Variants in PACRG observed in about 807,000 individuals in gnomAD.
The protein encoded by PACRG is parkin coregulated gene protein.
In PACRG, 29 loss-of-function variants were observed where a neutral mutation model predicts 29.7. The observed-to-expected ratio is 0.98, with a 90% CI of 0.73 to 1.33. The LOEUF is 1.33. PACRG is among the 40% of genes most tolerant of loss of function. The pLI, the probability that PACRG is intolerant of heterozygous loss-of-function variation, is 0.00. For synonymous variants in PACRG, 116 were observed against 118.7 expected, an observed-to-expected ratio of 0.98 and a Z score of 0.15; for missense variants, 279 against 316.2, an observed-to-expected ratio of 0.88 and a Z score of 0.89.
At chr6:163,310,740 A>G (rs1356888822) in intron 4 of PACRG, 1 of 152,248 alleles carries the variant, frequency 6.6e-6, no homozygotes, top group African/African-American at 2.4e-5. Context: ...GAAATGGAGA[A>G]TACATCATCA....
intron 2 of PACRG, among the ~76,000 whole-genome samples, chr6:163,053,372 T>G (rs1184417335): frequency 3.5e-4 from 53 of 152,152 alleles, no homozygotes; most frequent in Admixed American, 3.5e-3. Flanking sequence ...TCTCAGTATC[T>G]TTTTTTAAAT....
chr6:163,136,022 G>A (rs558827541), intron 4 of PACRG, among the ~76,000 whole-genome samples: 57 of 152,204 alleles, frequency 3.7e-4, no homozygotes, highest in African/African-American at 1.3e-3. Flanking sequence ...GAATACTACT[G>A]TTTGGTCATA....
intron 4 of PACRG, among the ~76,000 whole-genome samples, chr6:163,234,559 A>C (rs1048546405): frequency 6.6e-6 from 1 of 152,180 alleles, no homozygotes; most frequent in Non-Finnish European, 1.5e-5. Flanking sequence ...AAAATTATCC[A>C]GCCTCGGCAT....
chr6:163,286,862 G>T (rs1032572120), intron 4 of PACRG, among the ~76,000 whole-genome samples: 1 of 152,178 alleles, frequency 6.6e-6, no homozygotes, highest in Non-Finnish European at 1.5e-5. Flanking sequence ...ATTTATGTGT[G>T]TGTTTATGTG....
upstream of PACRG, chr6:162,727,778 C>T: frequency 8.7e-7 from 1 of 1,155,976 alleles, no homozygotes; most frequent in South Asian, 1.3e-5. Context: ...CAGGCCTCCC[C>T]GCCCCCGCGC....
rs190685070 is a variant in PACRG, at chr6:163,088,776, T to G, written c.464-483T>G. On this transcript the variant is annotated intron_variant, in intron 3 of 4. Transcript: ENST00000366888. ...TCACTTCTACCAAGAATATTCTCGG[T>G]GTTTGTAACCAGCCTATAGATTTGA... 3.7e-4 allele frequency among the ~76,000 whole-genome samples: 56 copies of G among 152,336 alleles called. 1 individual carries two copies. The highest frequency in any genetic ancestry group is 1.3e-3 in the African/African-American group (53 of 41,564).
At chr6:163,109,872 A>G (rs1277144431) in intron 4 of PACRG, among the ~76,000 whole-genome samples, 2 of 152,194 alleles carry the variant, frequency 1.3e-5, no homozygotes, top group Non-Finnish European at 2.9e-5. Flanking sequence ...GGGACTTGAT[A>G]TGCAAACTCA....
chr6:163,312,915 G>C (rs1216563960), intron 4 of PACRG: 1 of 281,446 alleles, frequency 3.6e-6, no homozygotes, highest in Non-Finnish European at 7.0e-6. Context: ...ACCACACCTA[G>C]CTAATTTTTT....
At chr6:163,261,696 A>G (rs1347294532) in intron 4 of PACRG, among the ~76,000 whole-genome samples, 4 of 152,162 alleles carry the variant, frequency 2.6e-5, no homozygotes, top group Non-Finnish European at 5.9e-5. Flanking sequence ...ACTTGGGGGG[A>G]AAATATGCCT....
At chr6:163,100,207 G>A (rs1262265137) in intron 4 of PACRG, among the ~76,000 whole-genome samples, 2 of 152,070 alleles carry the variant, frequency 1.3e-5, no homozygotes. Flanking sequence ...CGGCCCTGCA[G>A]CTGCATTCGC....
At chr6:163,047,222 A>G (rs1235318102) in intron 2 of PACRG, among the ~76,000 whole-genome samples, 1 of 152,162 alleles carries the variant, frequency 6.6e-6, no homozygotes, top group Non-Finnish European at 1.5e-5. Flanking sequence ...TTGATTCGTT[A>G]TTTATGAACA....
chr6:162,971,939 G>A (rs767497186), intron 2 of PACRG, among the ~76,000 whole-genome samples: 3 of 152,140 alleles, frequency 2.0e-5, no homozygotes, highest in Non-Finnish European at 4.4e-5. Flanking sequence ...CGTCCACTCT[G>A]TCACCACGGC....
Position 162,943,120 on chromosome 6 carries a change from G to T in PACRG, c.292-119030G>T, listed in dbSNP as rs116705048. Among the ~76,000 whole-genome samples the T allele has an allele frequency of 6.3e-3, 967 of 152,312 alleles. 7 individuals carry two copies. The highest frequency in any genetic ancestry group is 0.017 in the African/African-American group (695 of 41,566). ...GGCTCTGAGACTAACATGGGGAGCT[G>T]CCTGGAAACTCTGTGACCGCATTGC... On this transcript the variant is annotated intron_variant, in intron 2 of 4. Coordinates refer to ENST00000366888, the MANE Select transcript of PACRG (RefSeq NM_001080379.2).
chr6:163,106,517 T>C (rs779485848), intron 4 of PACRG, among the ~76,000 whole-genome samples: 3 of 151,742 alleles, frequency 2.0e-5, no homozygotes, highest in African/African-American at 4.8e-5. Context: ...GAAAAGTAAA[T>C]CCAAATTCAG....
At chr6:162,787,578 GTGTGTATATATATATATATATATA>G (rs1379379549) in intron 1 of PACRG, among the ~76,000 whole-genome samples, 9 of 51,452 alleles carry the variant, frequency 1.7e-4, no homozygotes, top group African/African-American at 9.3e-4. Context: ...GTGTGTGTGT[GTGTGTATATATATATATATATATA>G]TATATATATA....
At chr6:162,919,087 A>C (rs1047863420) in intron 2 of PACRG, among the ~76,000 whole-genome samples, 5 of 152,178 alleles carry the variant, frequency 3.3e-5, no homozygotes, top group African/African-American at 1.2e-4. Flanking sequence ...GACCACTCCC[A>C]CTACCAAAAG....
At chr6:162,760,422 G>A (rs1288872112) in intron 1 of PACRG, among the ~76,000 whole-genome samples, 2 of 152,218 alleles carry the variant, frequency 1.3e-5, no homozygotes, top group African/African-American at 2.4e-5. Flanking sequence ...AGGAGTGAGT[G>A]TCTAATGTTT....
rs76682961 is a variant in PACRG at position 162,961,451 on chromosome 6, T to C, written c.292-100699T>C. On this transcript the variant is annotated intron_variant, in intron 2 of 4. Transcript: ENST00000366888. ...GTGTCTATCTATAACTCCAACCTTG[T>C]ATTTCTATCAGAGCTGCAGATCCAT... 1.1e-3 allele frequency among the ~76,000 whole-genome samples: 173 copies of C among 152,322 alleles called. 6 individuals are homozygous for C. In the East Asian group the frequency reaches 0.029, roughly 25 times the overall value.
intron 4 of PACRG, among the ~76,000 whole-genome samples, chr6:163,180,982 A>C (rs1354320935): frequency 1.3e-5 from 2 of 152,148 alleles, no homozygotes; most frequent in Non-Finnish European, 2.9e-5. Flanking sequence ...TCAGATTGCA[A>C]ATGACAGAGC....
Sources: gnomAD v4.1 joint callset for allele counts (sites outside exome capture counted in the v4.1 genomes callset) on GRCh38, gnomAD v4.1.1 for gene constraint, MANE v1.5 for transcripts, NCBI Gene and HGNC (gene_info 2026-07-23, HGNC 2026-07-21) for gene names.